The following CNTN4 variants were observed in gnomAD, a reference collection of about 807,000 sequenced individuals.
CNTN4 encodes the protein contactin 4.
A neutral mutation model predicts 122.5 loss-of-function variants in CNTN4; 77 were observed. That is an observed-to-expected ratio of 0.63 (90% CI 0.52 to 0.76). The LOEUF is 0.76. Among genes scored for constraint, CNTN4 ranks in the 30% least tolerant of loss-of-function variants. The pLI is 0.00. For missense variants in CNTN4, 1,256 were observed against 1,259.1 expected, an observed-to-expected ratio of 1.00 and a Z score of 0.04; for synonymous variants, 512 against 447.0, an observed-to-expected ratio of 1.15 and a Z score of -1.83.
chr3:2,619,966 C>CT (rs1223468661), intron 4 of CNTN4, among the ~76,000 whole-genome samples: 2 of 151,672 alleles, frequency 1.3e-5, no homozygotes, highest in Admixed American at 6.6e-5. Context: ...GTACCTGGTA[C>CT]TTTTTTCCCC....
At chr3:2,850,189 C>A (rs1237469508) in intron 7 of CNTN4, among the ~76,000 whole-genome samples, 1 of 152,000 alleles carries the variant, frequency 6.6e-6, no homozygotes, top group Non-Finnish European at 1.5e-5. Flanking sequence ...CAGGTTTCAC[C>A]ATGTTGGCCA....
intron 4 of CNTN4, among the ~76,000 whole-genome samples, chr3:2,710,758 G>A (rs1559416319): frequency 6.6e-6 from 1 of 152,138 alleles, no homozygotes; most frequent in Non-Finnish European, 1.5e-5. Flanking sequence ...TGTTACAAAG[G>A]AAAATGCTTT....
chr3:2,920,957 C>G (rs913348601), intron 12 of CNTN4, among the ~76,000 whole-genome samples: 4 of 152,166 alleles, frequency 2.6e-5, no homozygotes, highest in Non-Finnish European at 5.9e-5. Context: ...AGGGGCACAT[C>G]ATGCTAACAT....
intron 4 of CNTN4, among the ~76,000 whole-genome samples, chr3:2,625,465 C>T (rs2082148260): frequency 1.3e-5 from 2 of 152,176 alleles, no homozygotes; most frequent in African/African-American, 4.8e-5. Context: ...CAGAATGCTC[C>T]TCTGTGATAC....
Position 2,516,362 on chromosome 3 carries a change from A to G in CNTN4, c.-88-55054A>G, listed in dbSNP as rs369187300. Among the ~76,000 whole-genome samples, 18 of 152,208 alleles carry G rather than the reference A, an allele frequency of 1.2e-4. No individual in the cohort carries two copies. In the East Asian group the frequency reaches 1.4e-3, roughly 11 times the overall value. On this transcript the variant is annotated intron_variant, in intron 3 of 24. Coordinates refer to ENST00000418658, the MANE Select transcript of CNTN4 (RefSeq NM_175607.3). Reference sequence around the variant, plus strand: ...GATTTTGTACTTAGGAACTATTTCAATGCAAACTAGATTATACTGACAGAT... The same window carrying G: ...GATTTTGTACTTAGGAACTATTTCAGTGCAAACTAGATTATACTGACAGAT...
intron 24 of CNTN4, among the ~76,000 whole-genome samples, chr3:3,055,696 G>A (rs1247376928): frequency 2.6e-5 from 4 of 152,194 alleles, no homozygotes; most frequent in Non-Finnish European, 4.4e-5. Flanking sequence ...ACCGCCATCT[G>A]TTAAGCGAGG....
chr3:2,961,087 G>A (rs575887221), intron 13 of CNTN4, among the ~76,000 whole-genome samples: 16 of 143,338 alleles, frequency 1.1e-4, no homozygotes, highest in South Asian at 7.0e-4. Flanking sequence ...AAAATTAGCC[G>A]GGCGTGGTGA....
At chr3:2,429,819 G>T (rs144521279) in intron 3 of CNTN4, among the ~76,000 whole-genome samples, 3,972 of 152,270 alleles carry the variant, frequency 0.026, 90 homozygotes, top group Non-Finnish European at 0.038. Flanking sequence ...CCACCTTGCA[G>T]TTCCATCTCA....
chr3:2,986,553 G>T (rs774963160), intron 13 of CNTN4, among the ~76,000 whole-genome samples: 3 of 152,148 alleles, frequency 2.0e-5, no homozygotes, highest in Non-Finnish European at 4.4e-5. Flanking sequence ...ATCTGTAAGA[G>T]CCTTCAAAAA....
At chr3:2,182,038 T>C (rs7613165) in intron 2 of CNTN4, among the ~76,000 whole-genome samples, 38,212 of 151,954 alleles carry the variant, frequency 0.25, 5,137 homozygotes, top group East Asian at 0.45. Context: ...AACAATATAA[T>C]AGAATCAACA....
At chr3:2,898,599 G>A (rs78616184) in intron 10 of CNTN4, among the ~76,000 whole-genome samples, 5,613 of 152,246 alleles carry the variant, frequency 0.037, 135 homozygotes, top group Non-Finnish European at 0.055. Context: ...TTGCAAAAAA[G>A]CAATAAGAAA....
At chr3:2,635,029 C>G (rs1276610310) in intron 4 of CNTN4, among the ~76,000 whole-genome samples, 1 of 152,078 alleles carries the variant, frequency 6.6e-6, no homozygotes, top group Non-Finnish European at 1.5e-5. Flanking sequence ...AAATATAGAT[C>G]AGCAAGACAG....
intron 4 of CNTN4, among the ~76,000 whole-genome samples, chr3:2,644,888 GTAT>G (rs1157151800): frequency 6.7e-6 from 1 of 149,864 alleles, no homozygotes; most frequent in African/African-American, 2.5e-5. Flanking sequence ...CAAACATCTA[GTAT>G]TATTCTGCTT....
intron 4 of CNTN4, among the ~76,000 whole-genome samples, chr3:2,640,739 C>T (rs189870813): frequency 6.6e-6 from 1 of 152,292 alleles, no homozygotes; most frequent in East Asian, 1.9e-4. Context: ...ATACTAACAT[C>T]ACTATTCAAG....
intron 2 of CNTN4, among the ~76,000 whole-genome samples, chr3:2,202,197 A>C (rs1206894252): frequency 6.6e-6 from 1 of 152,182 alleles, no homozygotes; most frequent in African/African-American, 2.4e-5. Flanking sequence ...CTTCATTTTG[A>C]AGGATACATA....
rs557322554 is a variant in CNTN4 at position 2,129,501 on chromosome 3, A to G, written c.-145+28862A>G. Among the ~76,000 whole-genome samples, 17 of 152,078 alleles carry G rather than the reference A, an allele frequency of 1.1e-4. No individual in the cohort carries two copies. In the South Asian group the frequency reaches 3.5e-3, roughly 32 times the overall value. ...TGGTATTAAATTTCCTTTAGCATAC[A>G]TGCAAAGAGGGCATGTTTATAGACT... On this transcript the variant is annotated intron_variant, in intron 2 of 24. Coordinates refer to ENST00000418658, the MANE Select transcript of CNTN4 (RefSeq NM_175607.3).
chr3:2,906,014 A>C lies in CNTN4; in HGVS notation c.1207+3009A>C, dbSNP rs1425311615. On this transcript the variant is annotated intron_variant, in intron 12 of 24. Transcript: ENST00000418658. ...AGAATACTATGTAGCCATAAAGAAAAGGAGAAAATCCTGTCATTTGTGACA... is the reference window on the plus strand; with the variant it reads ...AGAATACTATGTAGCCATAAAGAAACGGAGAAAATCCTGTCATTTGTGACA... Among the ~76,000 whole-genome samples the C allele has an allele frequency of 2.0e-5, 3 of 152,370 alleles. No homozygotes were observed. In the South Asian group the frequency reaches 6.2e-4, roughly 32 times the overall value.
In CNTN4 at chr3:2,736,262, G is replaced by T; in HGVS notation, c.103G>T (p.Val35Leu). ...GPIFIQEPSP[V>L]MFPLDSEEKK... is the part of the protein sequence containing the mutation. Reference sequence around the variant, plus strand: ...GATTTTTATTCAAGAACCAAGTCCTGTAATGTTCCCTTTGGATTCTGAGGA... The same window carrying T: ...GATTTTTATTCAAGAACCAAGTCCTTTAATGTTCCCTTTGGATTCTGAGGA... Residue 35 changes from valine to leucine, a missense_variant, in exon 5 of 25, where the codon GTA becomes TTA. Coordinates refer to ENST00000418658, the MANE Select transcript of CNTN4 (RefSeq NM_175607.3). 1 of 1,613,522 alleles carries T rather than the reference G, an allele frequency of 6.2e-7. No homozygotes were observed. Among genetic ancestry groups the T allele is most frequent in the South Asian group, 1.1e-5 (1 of 91,070 alleles).
intron 2 of CNTN4, among the ~76,000 whole-genome samples, chr3:2,138,130 G>A (rs543112316): frequency 1.3e-5 from 2 of 149,616 alleles, no homozygotes; most frequent in East Asian, 2.0e-4. Context: ...GCAGTGGCAC[G>A]ATCTCAGCTC....
Sources: allele counts gnomAD v4.1 joint callset (sites outside exome capture counted in the v4.1 genomes callset), GRCh38; gene constraint gnomAD v4.1.1; transcripts MANE v1.5; gene names NCBI Gene and HGNC (gene_info 2026-07-23, HGNC 2026-07-21).